The following RYR2 variants were observed in gnomAD, a reference collection of about 807,000 sequenced individuals.
RYR2 encodes ryanodine receptor 2.
In RYR2, 227 loss-of-function variants were observed where a neutral mutation model predicts 601.1. That is an observed-to-expected ratio of 0.38 (90% CI 0.34 to 0.42). The LOEUF (loss-of-function observed/expected upper bound fraction) is 0.42, where lower values mean the gene tolerates loss of function less well. RYR2 is among the 10% of genes least tolerant of loss of function. The pLI, the probability that RYR2 is intolerant of heterozygous loss-of-function variation, is 1.00. For missense variants in RYR2, 4,646 were observed against 6,156.5 expected (o/e 0.75, Z 8.21); for synonymous variants, 2,223 against 2,175.1 (o/e 1.02, Z -0.61).
At chr1:237,645,111 C>T (rs544368358) in intron 48 of RYR2, among the ~76,000 whole-genome samples, 1 of 152,228 alleles carries the variant, frequency 6.6e-6, no homozygotes, top group African/African-American at 2.4e-5. Context: ...AATTATGCCC[C>T]TAGAGAAGGC....
At chr1:237,528,367 TA>T (rs1486074241) in intron 24 of RYR2, among the ~76,000 whole-genome samples, 3 of 152,122 alleles carry the variant, frequency 2.0e-5, no homozygotes, top group Non-Finnish European at 4.4e-5. Context: ...TATGTATGGA[TA>T]GGAAAAAGTA....
At chr1:237,629,111 A>C (rs1679989998) in intron 41 of RYR2, among the ~76,000 whole-genome samples, 1 of 152,238 alleles carries the variant, frequency 6.6e-6, no homozygotes, top group African/African-American at 2.4e-5. Context: ...TCAGAGAAAA[A>C]GAATGGGATG....
chr1:237,770,612 T>G (rs1694193385), intron 84 of RYR2, among the ~76,000 whole-genome samples, 195 bp from the exon 85 acceptor site: 1 of 152,206 alleles, frequency 6.6e-6, no homozygotes, highest in Non-Finnish European at 1.5e-5. Context: ...CGTTCTTTTC[T>G]TACAAAGAAA....
chr1:237,432,469 G>A (rs1706924938), intron 12 of RYR2, among the ~76,000 whole-genome samples: 3 of 152,080 alleles, frequency 2.0e-5, no homozygotes, highest in South Asian at 4.1e-4. Context: ...CTGGTGAGTC[G>A]AAGTGGTATA....
chr1:237,202,159 T>C (rs1320140084), intron 1 of RYR2, among the ~76,000 whole-genome samples: 1 of 152,204 alleles, frequency 6.6e-6, no homozygotes, highest in Non-Finnish European at 1.5e-5. Context: ...AAATATGATA[T>C]TTACTTATAC....
chr1:237,634,831 T>A, intron 43 of RYR2, 58 bp from the exon 44 acceptor site: 2 of 1,291,392 alleles, frequency 1.5e-6, no homozygotes, highest in Non-Finnish European at 2.2e-6. Context: ...TATTTTTGTA[T>A]GGAGTTTATA....
intron 22 of RYR2, among the ~76,000 whole-genome samples, chr1:237,503,777 G>A (rs185157030): frequency 3.6e-4 from 55 of 152,100 alleles, no homozygotes; most frequent in East Asian, 1.4e-3. Context: ...GTGCAATCTC[G>A]GCTCGCTGCA....
rs186489998 is a variant in RYR2, at chr1:237,324,083, T to C, written c.169-6795T>C. On this transcript the variant is annotated intron_variant, in intron 2 of 104. Coordinates refer to ENST00000366574, the MANE Select transcript of RYR2 (RefSeq NM_001035.3). The stretch of plus-strand genomic sequence containing the variant: ...TTTCCAAACTAGGAACATGGTGTAA[T>C]GTTATGATTGGGGTTTTGAAGCAAT... 2.4e-4 allele frequency among the ~76,000 whole-genome samples: 36 copies of C among 152,258 alleles called. No individual in the cohort carries two copies. The East Asian group carries it at 4.4e-3, about 19-fold the overall frequency.
Position 237,764,551 on chromosome 1 carries a change from C to T in RYR2, c.11476+3523C>T, listed in dbSNP as rs188241438. Among the ~76,000 whole-genome samples, 552 of 151,870 alleles carry T rather than the reference C, an allele frequency of 3.6e-3. 1 individual carries two copies. The highest frequency in any genetic ancestry group is 6.0e-3 in the Non-Finnish European group (407 of 67,932). ...GCAACCTCCACTTCCCGGGTTCAAG[C>T]GATTCTCCTGCCTCAGCCTCTCAAG... On this transcript the variant is annotated intron_variant, in intron 84 of 104. Coordinates refer to ENST00000366574, the MANE Select transcript of RYR2 (RefSeq NM_001035.3).
chr1:237,727,344 T>A, intron 76 of RYR2, 145 bp downstream of exon 76: 1 of 429,518 alleles, frequency 2.3e-6, no homozygotes, highest in Non-Finnish European at 4.1e-6. Context: ...AAAACTTGAC[T>A]AATTTTGTTG....
At chr1:237,116,966 C>T (rs899977330) in intron 1 of RYR2, among the ~76,000 whole-genome samples, 1 of 152,182 alleles carries the variant, frequency 6.6e-6, no homozygotes, top group Non-Finnish European at 1.5e-5. Flanking sequence ...CGTGTTTAAT[C>T]TGGGCATCCT....
chr1:237,688,498 T>G (rs1177876506), intron 63 of RYR2, among the ~76,000 whole-genome samples: 1 of 152,134 alleles, frequency 6.6e-6, no homozygotes, highest in Non-Finnish European at 1.5e-5. Context: ...CTGGATATAG[T>G]AGGTTATTGC....
chr1:237,384,897 A>ATT (rs112373995), intron 8 of RYR2, among the ~76,000 whole-genome samples: 9 of 150,646 alleles, frequency 6.0e-5, no homozygotes, highest in African/African-American at 1.9e-4. Flanking sequence ...TTATTATTTT[A>ATT]TTTTTTTTTG....
chr1:237,338,610 G>C (rs574001515), intron 3 of RYR2, among the ~76,000 whole-genome samples: 1 of 152,138 alleles, frequency 6.6e-6, no homozygotes, highest in African/African-American at 2.4e-5. Context: ...AGCCTGTTCA[G>C]TCTTTGGCTA....
At chr1:237,232,193 T>A (rs780771879) in intron 1 of RYR2, among the ~76,000 whole-genome samples, 3 of 152,096 alleles carry the variant, frequency 2.0e-5, no homozygotes, top group Non-Finnish European at 2.9e-5. Context: ...AGAACCTAGG[T>A]AGCTTCAGAA....
intron 40 of RYR2, 109 bp from the exon 41 acceptor site, chr1:237,627,698 G>A: frequency 8.7e-7 from 1 of 1,144,948 alleles, no homozygotes; most frequent in Non-Finnish European, 1.2e-6. Flanking sequence ...TTTCAAGCCT[G>A]GTACAAATAG....
intron 35 of RYR2, among the ~76,000 whole-genome samples, chr1:237,605,613 G>T (rs544580723): frequency 6.6e-6 from 1 of 152,124 alleles, no homozygotes; most frequent in Admixed American, 6.5e-5. Context: ...ATTAGGAAAA[G>T]AGGAAGTCAA....
At position 237,633,720 on chromosome 1, in the gene RYR2, T is replaced by C; in HGVS notation, c.6688+10T>C. On this transcript the variant is annotated intron_variant, in intron 43 of 104. Transcript: ENST00000366574. The stretch of plus-strand genomic sequence containing the variant: ...AGCAGTGTTGGTCTTGGTAAGTAAA[T>C]GACTTTTATTTCATCTTTAAGGTTG... The C allele has an allele frequency of 6.2e-7, 1 of 1,601,974 alleles. No homozygotes were observed. The highest frequency in any genetic ancestry group is 8.5e-7 in the Non-Finnish European group (1 of 1,173,464).
intron 1 of RYR2, among the ~76,000 whole-genome samples, chr1:237,200,389 C>T (rs545618924): frequency 1.8e-4 from 27 of 152,126 alleles, no homozygotes; most frequent in Admixed American, 7.2e-4. Context: ...CTCAGCCTCC[C>T]GAGTAGCTGG....
Sources: allele counts gnomAD v4.1 joint callset (sites outside exome capture counted in the v4.1 genomes callset), GRCh38; gene constraint gnomAD v4.1.1; transcripts MANE v1.5; gene names NCBI Gene and HGNC (gene_info 2026-07-23, HGNC 2026-07-21).